Variants in EFCAB7 observed in about 807,000 individuals in gnomAD.
The protein encoded by EFCAB7 is EF-hand calcium-binding domain-containing protein 7.
Under a neutral mutation model 77.1 loss-of-function variants are expected in EFCAB7, and 66 were observed. The ratio of observed to expected loss-of-function variants is 0.86; its 90% CI spans 0.70 to 1.05. EFCAB7 has a LOEUF of 1.05. Among genes scored for constraint, EFCAB7 ranks in the 50% least tolerant of loss-of-function variants. EFCAB7 has a pLI of 0.00. For missense variants in EFCAB7, 638 were observed against 730.5 expected (o/e 0.87, Z 1.46); for synonymous variants, 225 against 243.3 (o/e 0.92, Z 0.70).
At chr1:63,551,585 C>T (rs545054077) in intron 7 of EFCAB7, 140 bp from the exon 8 acceptor site, 20 of 366,610 alleles carry the variant, frequency 5.5e-5, no homozygotes, top group Admixed American at 3.2e-4. Context: ...AGTGAGACTC[C>T]GTCTTGAAAA....
At chr1:63,544,921 CTT>C (rs34798915) in intron 6 of EFCAB7, among the ~76,000 whole-genome samples, 14 of 138,230 alleles carry the variant, frequency 1.0e-4, no homozygotes, top group Non-Finnish European at 9.5e-5. Context: ...TCTTTTCTTT[CTT>C]TTTTTTTTTT....
chr1:63,547,992 A>G (rs987196130), intron 7 of EFCAB7: 1 of 152,250 alleles, frequency 6.6e-6, no homozygotes, highest in Non-Finnish European at 1.5e-5. Context: ...TTGATGGAAA[A>G]GCTGCAAAGT....
downstream of EFCAB7, among the ~76,000 whole-genome samples, chr1:63,576,874 G>C (rs1263519608): frequency 6.6e-6 from 1 of 150,830 alleles, no homozygotes; most frequent in Non-Finnish European, 1.5e-5. Flanking sequence ...TCTTGGCCGG[G>C]TGCTGTGTCT....
At chr1:63,553,291 C>G (rs147961363) in intron 8 of EFCAB7, among the ~76,000 whole-genome samples, 66 of 152,250 alleles carry the variant, frequency 4.3e-4, no homozygotes, top group African/African-American at 1.5e-3. Flanking sequence ...TAGCCAATTT[C>G]AAAGGTTATG....
chr1:63,525,826 T>C, intron 2 of EFCAB7, 67 bp downstream of exon 2: 1 of 1,096,262 alleles, frequency 9.1e-7, no homozygotes, highest in South Asian at 1.6e-5. Context: ...TCCGAAAGAC[T>C]GAAATTAGAA....
At chr1:63,580,863 C>G in the EFCAB7 span, among the ~76,000 whole-genome samples, 1 of 152,054 alleles carries the variant, frequency 6.6e-6, no homozygotes, top group Non-Finnish European at 1.5e-5. Flanking sequence ...CTGTGCATTG[C>G]TAATATGTAA....
intron 12 of EFCAB7, chr1:63,569,131 A>G (rs1384640381): frequency 6.6e-6 from 1 of 152,142 alleles, no homozygotes; most frequent in Non-Finnish European, 1.5e-5. Flanking sequence ...ACTTTATATA[A>G]GATGGCTAGG....
At chr1:63,573,838 T>C (rs568990842), downstream of EFCAB7, among the ~76,000 whole-genome samples, 9 of 150,956 alleles carry the variant, frequency 6.0e-5, no homozygotes, top group South Asian at 1.9e-3. Context: ...GTCCAGTCCT[T>C]TTTAAGTTGG....
At chr1:63,525,041 G>A (rs1646560530) in intron 1 of EFCAB7, among the ~76,000 whole-genome samples, 1 of 152,262 alleles carries the variant, frequency 6.6e-6, no homozygotes, top group Middle Eastern at 3.4e-3. Flanking sequence ...TGGAAGATGG[G>A]TGTCAACTAC....
chr1:63,560,624 C>G (rs954728096), intron 10 of EFCAB7, among the ~76,000 whole-genome samples: 5 of 147,278 alleles, frequency 3.4e-5, no homozygotes, highest in Non-Finnish European at 7.4e-5. Context: ...TCAAGTGATT[C>G]TCTGCCTCAG....
intron 2 of EFCAB7, among the ~76,000 whole-genome samples, chr1:63,527,642 A>G (rs1430586904): frequency 6.6e-6 from 1 of 152,186 alleles, no homozygotes; most frequent in Non-Finnish European, 1.5e-5. Flanking sequence ...AAACTTAATC[A>G]TTAGATCCAG....
chr1:63,567,170 C>T (rs966541989), intron 11 of EFCAB7, among the ~76,000 whole-genome samples: 4 of 152,108 alleles, frequency 2.6e-5, no homozygotes, highest in Admixed American at 6.5e-5. Flanking sequence ...AAAATTATAT[C>T]GGCCAGGTGC....
rs1647021595 is a variant in EFCAB7 at position 63,555,595 on chromosome 1, A to G, written c.1214+80A>G. 33 of 1,222,736 alleles carry G rather than the reference A, an allele frequency of 2.7e-5. No homozygotes were observed. In the South Asian group the frequency reaches 4.5e-4, roughly 17 times the overall value. 75.7% of individuals were successfully genotyped at this position (1,222,736 alleles called of 1,614,324 possible). Reference sequence around the variant, plus strand: ...ATAGCCTGTGTTACTCCCTTTGGCCAGCTCCCACCCCCATCCTCAGATTCT... The same window carrying G: ...ATAGCCTGTGTTACTCCCTTTGGCCGGCTCCCACCCCCATCCTCAGATTCT... On this transcript the variant is annotated intron_variant, in intron 9 of 13. Transcript: ENST00000371088.
the EFCAB7 span, among the ~76,000 whole-genome samples, chr1:63,577,972 T>C: frequency 5.9e-5 from 9 of 152,048 alleles, no homozygotes; most frequent in African/African-American, 1.7e-4. Flanking sequence ...ATTTAAATAA[T>C]ATAAAAAGAG....
intron 13 of EFCAB7, 124 bp downstream of exon 13, chr1:63,571,252 T>C: frequency 1.5e-6 from 1 of 652,632 alleles, no homozygotes; most frequent in Non-Finnish European, 2.7e-6. Context: ...ATGATATTTG[T>C]ATCAGTATCA....
At position 63,561,700 on chromosome 1, in the gene EFCAB7, T is replaced by TAA; in HGVS notation, c.1349-9_1349-8insAA. ...TTATGTAAGAAAAAACTTTTGGTTGTTTAAACAGAGAATTTTGATACAAAG... is the reference window on the plus strand; with the variant it reads ...TTATGTAAGAAAAAACTTTTGGTTGTAATTAAACAGAGAATTTTGATACAAAG... On this transcript the variant is annotated splice_polypyrimidine_tract_variant and intron_variant, in intron 10 of 13. Coordinates refer to ENST00000371088, the MANE Select transcript of EFCAB7 (RefSeq NM_032437.4). 6.4e-7 allele frequency: 1 copy of TAA among 1,573,024 alleles called. No homozygotes were observed. The highest frequency in any genetic ancestry group is 8.6e-7 in the Non-Finnish European group (1 of 1,161,760).
At chr1:63,555,243 T>C in intron 8 of EFCAB7, 115 bp from the exon 9 acceptor site, 1 of 1,209,660 alleles carries the variant, frequency 8.3e-7, no homozygotes, top group Non-Finnish European at 1.1e-6. Context: ...TTTGTAAATA[T>C]TGATTTAAAA....
chr1:63,525,607 C>G lies in EFCAB7; in HGVS notation c.35C>G (p.Ser12Cys). The G allele has an allele frequency of 6.4e-7, 1 of 1,573,052 alleles. No individual in the cohort carries two copies. ...AISPRSDATF[S>C]SQKSTPSESP... The stretch of plus-strand genomic sequence containing the variant: ...AGTCCACGAAGCGATGCAACTTTCT[C>G]CAGTCAGAAATCAACACCTTCAGAG... Residue 12 changes from serine to cysteine, a missense_variant, in exon 2 of 14, where the codon TCC (serine) becomes TGC (cysteine). Physicochemically the swap from Ser to Cys is moderately radical, Grantham distance 112. Coordinates refer to ENST00000371088, the MANE Select transcript of EFCAB7 (RefSeq NM_032437.4).
intron 4 of EFCAB7, 145 bp from the exon 5 acceptor site, chr1:63,533,309 T>G (rs1646722690): frequency 6.7e-6 from 4 of 601,454 alleles, no homozygotes; most frequent in Non-Finnish European, 8.4e-6. Context: ...GTCAATCTGA[T>G]TCAAAAAAAT....
Sources: gnomAD v4.1 joint callset for allele counts (sites outside exome capture counted in the v4.1 genomes callset) on GRCh38, gnomAD v4.1.1 for gene constraint, MANE v1.5 for transcripts, NCBI Gene and HGNC (gene_info 2026-07-23, HGNC 2026-07-21) for gene names.